The following MLPH variants were observed in gnomAD, a reference collection of about 807,000 sequenced individuals.
The protein encoded by MLPH is exophilin-3.
Under a neutral mutation model 72.1 loss-of-function variants are expected in MLPH, and 51 were observed. The observed-to-expected ratio is 0.71, with a 90% CI of 0.56 to 0.89. The LOEUF (loss-of-function observed/expected upper bound fraction) is 0.89. Among genes scored for constraint, MLPH ranks in the 40% least tolerant of loss-of-function variants. The pLI, the probability that MLPH is intolerant of heterozygous loss-of-function variation, is 0.00. For missense variants in MLPH, 743 were observed against 759.9 expected, an observed-to-expected ratio of 0.98 and a Z score of 0.26; for synonymous variants, 301 against 310.1, an observed-to-expected ratio of 0.97 and a Z score of 0.31.
In MLPH at chr2:237,505,515, G is replaced by A. The variant is rs917888170; in HGVS notation, c.111-5059G>A. Among the ~76,000 whole-genome samples the A allele has an allele frequency of 1.4e-4, 22 of 152,336 alleles. No individual in the cohort carries two copies. Among genetic ancestry groups the A allele is most frequent in the African/African-American group, 5.0e-4 (21 of 41,586 alleles). On this transcript the variant is annotated intron_variant, in intron 2 of 15. Transcript: ENST00000264605. This position sits in a 1 kb window ranked among gnomAD's most constrained non-coding sequence, Gnocchi z 4.5. ...GTGCTGGACCTTGGGGATGGCCACA[G>A]TGGGAGCTTCCCCCTGCTGTGCCTT... is the stretch of plus-strand genomic sequence containing the variant.
Position 237,510,913 on chromosome 2 carries a change from G to A in MLPH, c.333-76G>A. 1.3e-6 allele frequency: 2 copies of A among 1,501,944 alleles called. No homozygotes were observed. Among genetic ancestry groups the A allele is most frequent in the Non-Finnish European group, 9.3e-7 (1 of 1,079,316 alleles). The allele number at this position is 1,501,944 out of a possible 1,614,324, so 93.0% of individuals were successfully genotyped here. On this transcript the variant is annotated intron_variant, in intron 3 of 15. Transcript: ENST00000264605. This position sits in a 1 kb window ranked among gnomAD's most constrained non-coding sequence, Gnocchi z 4.4. Reference sequence around the variant, plus strand: ...CATGCACACACTCGTGTGTGTGTGTGTGTGTGTGTGTGAGATTTATGCAGG... The same window carrying A: ...CATGCACACACTCGTGTGTGTGTGTATGTGTGTGTGTGAGATTTATGCAGG...
intron 5 of MLPH, among the ~76,000 whole-genome samples, 178 bp from the exon 6 acceptor site, chr2:237,519,732 C>T (rs1401145212): frequency 6.6e-6 from 1 of 152,204 alleles, no homozygotes; most frequent in African/African-American, 2.4e-5. Flanking sequence ...GTCCCCCAAC[C>T]AGCTCCCCCT....
At chr2:237,545,687 T>G (rs1320200) in intron 12 of MLPH, 96,297 of 1,220,782 alleles carry the variant, frequency 0.079, 4,251 homozygotes, top group African/African-American at 0.14. Flanking sequence ...TTCAGGAATC[T>G]TCAGACAAAA....
chr2:237,536,673 GTCTCACTCGGGCCTCGGC>G (rs1183556132), intron 9 of MLPH, among the ~76,000 whole-genome samples: 1 of 152,166 alleles, frequency 6.6e-6, no homozygotes, highest in Non-Finnish European at 1.5e-5. Flanking sequence ...ACTGACCCAG[GTCTCACTCGGGCCTCGGC>G]TCTGCCTCTC....
chr2:237,536,759 TC>T (rs1469045886), intron 9 of MLPH, among the ~76,000 whole-genome samples: 30 of 151,982 alleles, frequency 2.0e-4, no homozygotes, highest in Admixed American at 2.0e-3. Context: ...CCCAACTCCT[TC>T]CCCACCCTGC....
At chr2:237,495,171 A>ATC (rs1231171595) in intron 2 of MLPH, among the ~76,000 whole-genome samples, 1 of 152,068 alleles carries the variant, frequency 6.6e-6, no homozygotes, top group East Asian at 1.9e-4. Context: ...CCATGCTCAC[A>ATC]TCTCTCTCTT....
chr2:237,494,933 C>T (rs961192293), intron 2 of MLPH, among the ~76,000 whole-genome samples: 1 of 152,180 alleles, frequency 6.6e-6, no homozygotes, highest in South Asian at 2.1e-4. Context: ...ACACAGCTGT[C>T]CTGCAGTTCT....
chr2:237,513,709 G>A lies in MLPH; in HGVS notation c.445+2608G>A, dbSNP rs577778776. 3.8e-4 allele frequency among the ~76,000 whole-genome samples: 58 copies of A among 152,192 alleles called. No individual in the cohort carries two copies. The South Asian group carries it at 0.01, about 27-fold the overall frequency. On this transcript the variant is annotated intron_variant, in intron 4 of 15. Coordinates refer to ENST00000264605, the MANE Select transcript of MLPH (RefSeq NM_024101.7). ...TCTTCATGTTCATTGTGGGGGCCGG[G>A]GACATCACCCTGACAGGTGGGTCCC...
intron 2 of MLPH, among the ~76,000 whole-genome samples, chr2:237,504,647 G>C (rs1009158883): frequency 1.3e-5 from 2 of 152,226 alleles, no homozygotes; most frequent in African/African-American, 4.8e-5. Flanking sequence ...CACTCTGTTG[G>C]AGGCCGCCGG....
At chr2:237,522,891 C>T (rs991345354) in intron 6 of MLPH, among the ~76,000 whole-genome samples, 4 of 152,154 alleles carry the variant, frequency 2.6e-5, no homozygotes, top group Non-Finnish European at 4.4e-5. Flanking sequence ...TACTGGACTG[C>T]TTGAGGGCTG....
rs61172658 is a variant in MLPH, at chr2:237,516,679, C to G, written c.446-1860C>G. Among the ~76,000 whole-genome samples the G allele has an allele frequency of 2.7e-3, 413 of 152,328 alleles. 2 individuals carry two copies. The highest frequency in any genetic ancestry group is 9.7e-3 in the African/African-American group (403 of 41,570). Reference sequence around the variant, plus strand: ...ACCGGTTTTTATACTGTAATTCAGACCAGCTCTAAGTGATGTTTGGATAGG... The same window carrying G: ...ACCGGTTTTTATACTGTAATTCAGAGCAGCTCTAAGTGATGTTTGGATAGG... On this transcript the variant is annotated intron_variant, in intron 4 of 15. Transcript: ENST00000264605.
intron 4 of MLPH, chr2:237,511,393 T>C: frequency 2.5e-6 from 1 of 401,124 alleles, no homozygotes; most frequent in South Asian, 2.2e-5. Context: ...GTTATAAGTG[T>C]GAGCCACTGT....
intron 4 of MLPH, among the ~76,000 whole-genome samples, chr2:237,515,060 A>G (rs1184308241): frequency 6.6e-6 from 1 of 152,230 alleles, no homozygotes; most frequent in Non-Finnish European, 1.5e-5. Context: ...TCTGTATTAT[A>G]AATGGAAAAC....
At chr2:237,519,872 C>A (rs2080141106) in intron 5 of MLPH, 38 bp from the exon 6 acceptor site, 1 of 1,613,720 alleles carries the variant, frequency 6.2e-7, no homozygotes, top group Non-Finnish European at 8.5e-7. Flanking sequence ...CTCAAGCTAG[C>A]CCTGACTTGA....
intron 2 of MLPH, among the ~76,000 whole-genome samples, chr2:237,506,042 C>T (rs1401803745): frequency 6.6e-6 from 1 of 152,212 alleles, no homozygotes; most frequent in African/African-American, 2.4e-5. Context: ...CTTTTCTCCA[C>T]ATTCTGGGAG....
At chr2:237,497,831 T>A (rs1475895156) in intron 2 of MLPH, among the ~76,000 whole-genome samples, 1 of 152,210 alleles carries the variant, frequency 6.6e-6, no homozygotes, top group African/African-American at 2.4e-5. Flanking sequence ...CTGGGTGACA[T>A]CCTCGGGGTC....
rs1300238762 is a variant in MLPH, at chr2:237,505,631, G to A, written c.111-4943G>A. Among the ~76,000 whole-genome samples the A allele has an allele frequency of 6.6e-6, 1 of 152,194 alleles. No homozygotes were observed. The highest frequency in any genetic ancestry group is 2.4e-5 in the African/African-American group (1 of 41,432). On this transcript the variant is annotated intron_variant, in intron 2 of 15. Coordinates refer to ENST00000264605, the MANE Select transcript of MLPH (RefSeq NM_024101.7). The surrounding 1 kb of genome is among the most constrained non-coding windows in gnomAD (Gnocchi z 4.5). The stretch of plus-strand genomic sequence containing the variant: ...CCCTGTCTAGATTTCACCCCAAGAG[G>A]GGCAGAGCAGGGCACAGGTCTGACC...
intron 2 of MLPH, among the ~76,000 whole-genome samples, chr2:237,495,639 G>C (rs963219472): frequency 6.6e-6 from 1 of 152,182 alleles, no homozygotes; most frequent in Admixed American, 6.5e-5. Context: ...GTGGGGAGGG[G>C]CCGGCGTCAG....
intron 2 of MLPH, among the ~76,000 whole-genome samples, chr2:237,495,572 C>A (rs1011922598): frequency 1.3e-5 from 2 of 152,196 alleles, no homozygotes; most frequent in Non-Finnish European, 2.9e-5. Flanking sequence ...CCGCAACAAA[C>A]CGTTAGGTGA....
Sources: gnomAD v4.1 joint callset for allele counts (sites outside exome capture counted in the v4.1 genomes callset) on GRCh38, gnomAD v4.1.1 for gene constraint, Gnocchi (gnomAD v3.1) non-coding constraint, MANE v1.5 for transcripts, NCBI Gene and HGNC (gene_info 2026-07-23, HGNC 2026-07-21) for gene names.